ARHGAP32: variants seen among roughly 807,000 people sequenced by gnomAD.
ARHGAP32 encodes the protein rho GTPase-activating protein 32.
A neutral mutation model predicts 186.5 loss-of-function variants in ARHGAP32; 51 were observed. That is an observed-to-expected ratio of 0.27 (90% CI 0.22 to 0.35). The LOEUF is 0.35. ARHGAP32 is among the 10% of genes least tolerant of loss of function. ARHGAP32 has a pLI of 1.00. For synonymous variants in ARHGAP32, 950 were observed against 964.3 expected, an observed-to-expected ratio of 0.99 and a Z score of 0.27; for missense variants, 2,186 against 2,623.5, an observed-to-expected ratio of 0.83 and a Z score of 3.64.
chr11:129,162,636 C>A (rs930647149), intron 2 of ARHGAP32, among the ~76,000 whole-genome samples: 17 of 152,030 alleles, frequency 1.1e-4, no homozygotes, highest in Admixed American at 2.0e-4. Context: ...GTGTGGAATA[C>A]AAAAAGGCTT....
At chr11:129,142,484 T>A (rs1391588953) in intron 2 of ARHGAP32, among the ~76,000 whole-genome samples, 1 of 152,202 alleles carries the variant, frequency 6.6e-6, no homozygotes, top group East Asian at 1.9e-4. Context: ...TGTATATTTA[T>A]ATACATGAGA....
chr11:129,205,618 T>C (rs1591696055), intron 1 of ARHGAP32, among the ~76,000 whole-genome samples: 1 of 152,146 alleles, frequency 6.6e-6, no homozygotes, highest in East Asian at 1.9e-4. Context: ...AGTCATATTG[T>C]TGAAGTAATT....
In ARHGAP32 at chr11:128,967,700, A is replaced by C. The variant is rs1404413737; in HGVS notation, c.*1207T>G. On this transcript the variant is annotated 3_prime_UTR_variant, in exon 23 of 23. Coordinates refer to ENST00000682385, the MANE Select transcript of ARHGAP32 (RefSeq NM_001378024.1). ...GTGACCACACAAGTATAGAGTAAGC[A>C]AACGACAGTAATGCCTTAGGACAGC... 2 of 152,256 alleles carry C rather than the reference A, an allele frequency of 1.3e-5. No homozygotes were observed. Among genetic ancestry groups the C allele is most frequent in the Non-Finnish European group, 2.9e-5 (2 of 68,052 alleles). The allele number at this position is 152,256 out of a possible 1,614,324, so 9.4% of individuals were successfully genotyped here. A position where few individuals can be genotyped will look rare whatever the true frequency, so the allele number is the denominator to read the frequency against.
In ARHGAP32 at chr11:129,197,949, C is replaced by T. The variant is rs562765471; in HGVS notation, c.-4-33522G>A. Among the ~76,000 whole-genome samples the T allele has an allele frequency of 3.9e-3, 595 of 152,194 alleles. 2 individuals are homozygous for T. The highest frequency in any genetic ancestry group is 0.014 in the African/African-American group (569 of 41,530). On this transcript the variant is annotated intron_variant, in intron 1 of 6. Coordinates refer to the ARHGAP32 transcript ENST00000525234. ...AATGGTATCTAAAGAGGAAACAATT[C>T]TTATGCATACTATGGCAACTTTATT...
At chr11:129,094,645 T>G (rs982667443) in intron 5 of ARHGAP32, among the ~76,000 whole-genome samples, 12 of 152,276 alleles carry the variant, frequency 7.9e-5, no homozygotes, top group Non-Finnish European at 1.5e-4. Context: ...TACCCTGTAG[T>G]TTTTTTGCCA....
intron 10 of ARHGAP32, among the ~76,000 whole-genome samples, chr11:129,060,998 C>G (rs1468538078): frequency 6.6e-6 from 1 of 152,062 alleles, no homozygotes; most frequent in Non-Finnish European, 1.5e-5. Flanking sequence ...CCCAGACAAT[C>G]TGGAGCCAGA....
intron 2 of ARHGAP32, among the ~76,000 whole-genome samples, chr11:129,159,065 A>C (rs192441303): frequency 3.1e-4 from 47 of 152,342 alleles, no homozygotes; most frequent in African/African-American, 1.1e-3. Flanking sequence ...CAGTGTTTAG[A>C]GGGAAATTTA....
rs564333478 is a variant in ARHGAP32, at chr11:129,174,126, C to T, written c.117-9699G>A. On this transcript the variant is annotated intron_variant, in intron 1 of 22. Coordinates refer to ENST00000682385, the MANE Select transcript of ARHGAP32 (RefSeq NM_001378024.1). ...AAGCAGGGCGAGGCATTGCCTCACT[C>T]GGGAAGCGCAGAGGGTCAGGGAGTT... is the stretch of plus-strand genomic sequence containing the variant. Among the ~76,000 whole-genome samples, 151 of 152,280 alleles carry T rather than the reference C, an allele frequency of 9.9e-4. 1 individual carries two copies. Among genetic ancestry groups the T allele is most frequent in the African/African-American group, 3.5e-3 (145 of 41,576 alleles).
chr11:129,134,020 T>C (rs1194464166), intron 2 of ARHGAP32, among the ~76,000 whole-genome samples: 1 of 152,190 alleles, frequency 6.6e-6, no homozygotes, highest in Non-Finnish European at 1.5e-5. Context: ...GATTTCTACA[T>C]TCTACTTGAA....
intron 2 of ARHGAP32, among the ~76,000 whole-genome samples, chr11:129,126,599 A>C (rs1942667369): frequency 6.6e-6 from 1 of 152,222 alleles, no homozygotes; most frequent in South Asian, 2.1e-4. Context: ...AGATACATGA[A>C]AAGGTGGGTA....
chr11:129,149,049 G>A (rs1943233096), intron 2 of ARHGAP32, among the ~76,000 whole-genome samples: 1 of 152,046 alleles, frequency 6.6e-6, no homozygotes, highest in African/African-American at 2.4e-5. Context: ...AAACTCTTGG[G>A]GGCTTTATGG....
At chr11:129,141,622 T>TAAA (rs71472089) in intron 2 of ARHGAP32, among the ~76,000 whole-genome samples, 13 of 133,646 alleles carry the variant, frequency 9.7e-5, no homozygotes, top group African/African-American at 3.7e-4. Flanking sequence ...AAAGTATAAT[T>TAAA]AAAAAAAAAA....
chr11:129,244,391 TTCAG>T (rs1945059450), intron 1 of ARHGAP32, among the ~76,000 whole-genome samples: 1 of 152,238 alleles, frequency 6.6e-6, no homozygotes, highest in South Asian at 2.1e-4. Context: ...AATTATAACA[TTCAG>T]TCAAATAGTA....
intron 1 of ARHGAP32, among the ~76,000 whole-genome samples, chr11:129,233,700 A>C (rs1316677264): frequency 6.6e-6 from 1 of 152,032 alleles, no homozygotes; most frequent in Non-Finnish European, 1.5e-5. Context: ...ATACAATGAA[A>C]ATATATGTAA....
chr11:129,134,471 G>A (rs1942892718), intron 2 of ARHGAP32, among the ~76,000 whole-genome samples: 1 of 152,164 alleles, frequency 6.6e-6, no homozygotes, highest in East Asian at 1.9e-4. Flanking sequence ...ATCAAAGAAT[G>A]TATCAAGGTC....
intron 1 of ARHGAP32, among the ~76,000 whole-genome samples, chr11:129,174,262 T>C (rs778250465): frequency 1.1e-4 from 17 of 152,146 alleles, no homozygotes; most frequent in Non-Finnish European, 2.2e-4. Flanking sequence ...ACCAGGACAT[T>C]ATATCCCGCA....
chr11:129,279,560 G>T (rs1054605998), upstream of ARHGAP32, among the ~76,000 whole-genome samples: 1 of 145,208 alleles, frequency 6.9e-6, no homozygotes, highest in Non-Finnish European at 1.5e-5. Context: ...GCCGGAGCCC[G>T]CCGCCCGCCC....
intron 1 of ARHGAP32, among the ~76,000 whole-genome samples, chr11:129,182,776 T>C (rs1264733185): frequency 6.6e-6 from 1 of 151,880 alleles, no homozygotes; most frequent in African/African-American, 2.4e-5. Flanking sequence ...CCTGAGTACC[T>C]GGGACTACAG....
chr11:129,278,724 C>A (rs1333958729), intron 1 of ARHGAP32, among the ~76,000 whole-genome samples: 1 of 151,676 alleles, frequency 6.6e-6, no homozygotes. Context: ...GGGGCGGGAC[C>A]CGCGATGTCG....
Sources: gnomAD v4.1 joint callset for allele counts (sites outside exome capture counted in the v4.1 genomes callset) on GRCh38, gnomAD v4.1.1 for gene constraint, MANE v1.5 for transcripts, NCBI Gene and HGNC (gene_info 2026-07-23, HGNC 2026-07-21) for gene names.